Variants in ARFGEF3 observed in about 807,000 individuals in gnomAD.
The protein encoded by ARFGEF3 is ARFGEF family member 3.
ARFGEF3 carries 96 observed loss-of-function variants against 221.7 expected under a neutral mutation model. That is an observed-to-expected ratio of 0.43 (90% confidence interval 0.37 to 0.51). The LOEUF is 0.51. ARFGEF3 is among the 20% of genes least tolerant of loss of function. ARFGEF3 has a pLI of 0.00. For missense variants in ARFGEF3, 2,410 were observed against 2,789.9 expected (o/e 0.86, Z 3.07); for synonymous variants, 1,145 against 1,126.8 (o/e 1.02, Z -0.32).
Position 138,334,960 on chromosome 6 carries a change from G to C in ARFGEF3, c.6114G>C (p.Leu2038=), listed in dbSNP as rs1463399798. Residue 2038 remains leucine (L), a synonymous_variant, in exon 33 of 34, where the codon CTG becomes CTC. Transcript: ENST00000251691. This position sits in a 1 kb window ranked among gnomAD's most constrained non-coding sequence, Gnocchi z 5.1. ...AAAAGAGGAAACAGCAGCACAACCTGTCCGCGTTCCCCAAAGAGGTCAAAG... is the reference window on the plus strand; with the variant it reads ...AAAAGAGGAAACAGCAGCACAACCTCTCCGCGTTCCCCAAAGAGGTCAAAG... ...EYKKRKQQHN[L]SAFPKEVKVE... 1 of 1,586,616 alleles carries C rather than the reference G, an allele frequency of 6.3e-7. No individual in the cohort carries two copies. Among genetic ancestry groups the C allele is most frequent in the Non-Finnish European group, 8.6e-7 (1 of 1,167,060 alleles).
At chr6:138,265,079 A>AT (rs1228851276) in intron 12 of ARFGEF3, among the ~76,000 whole-genome samples, 1 of 151,838 alleles carries the variant, frequency 6.6e-6, no homozygotes, top group Non-Finnish European at 1.5e-5. Flanking sequence ...AATTTTTTGT[A>AT]TTTTTAGTAG....
intron 2 of ARFGEF3, among the ~76,000 whole-genome samples, chr6:138,192,122 C>CCCTTTTCTCT (rs1777315231): frequency 5.9e-5 from 9 of 152,164 alleles, no homozygotes; most frequent in Admixed American, 5.9e-4. Flanking sequence ...CCACCCAAAG[C>CCCTTTTCTCT]CTGCCCTTTT....
chr6:138,189,448 C>T (rs548797933), intron 2 of ARFGEF3, among the ~76,000 whole-genome samples: 1 of 152,256 alleles, frequency 6.6e-6, no homozygotes, highest in East Asian at 1.9e-4. Context: ...AAACTCTAAC[C>T]TGTGACTGCT....
At chr6:138,316,090 G>T (rs1255723276) in intron 26 of ARFGEF3, among the ~76,000 whole-genome samples, 1 of 152,078 alleles carries the variant, frequency 6.6e-6, no homozygotes, top group Non-Finnish European at 1.5e-5. Context: ...AGTTGTAAAC[G>T]GTTGGGTATG....
At chr6:138,279,915 A>C in intron 13 of ARFGEF3, 84 bp from the exon 14 acceptor site, 1 of 1,354,430 alleles carries the variant, frequency 7.4e-7, no homozygotes, top group Non-Finnish European at 1.0e-6. Flanking sequence ...GGGCTCTGTG[A>C]CGTGAAGAGG....
intron 22 of ARFGEF3, among the ~76,000 whole-genome samples, chr6:138,303,848 G>A (rs1350675910): frequency 8.8e-6 from 1 of 113,408 alleles, no homozygotes; most frequent in Non-Finnish European, 1.7e-5. Context: ...GAGACAGAGT[G>A]AGACTCCGTC....
intron 4 of ARFGEF3, among the ~76,000 whole-genome samples, chr6:138,220,301 C>T (rs926467708): frequency 2.6e-5 from 4 of 152,196 alleles, no homozygotes; most frequent in Non-Finnish European, 5.9e-5. Context: ...CTGCAGCCAA[C>T]CTATTTCTTG....
At chr6:138,276,669 G>GT (rs918448109) in intron 12 of ARFGEF3, among the ~76,000 whole-genome samples, 1 of 151,408 alleles carries the variant, frequency 6.6e-6, no homozygotes, top group African/African-American at 2.4e-5. Context: ...TTTGTTTTTC[G>GT]TTTTTTTGTT....
intron 24 of ARFGEF3, 26 bp from the exon 25 acceptor site, chr6:138,311,381 G>C (rs2272889): frequency 2.0e-6 from 3 of 1,494,950 alleles, no homozygotes; most frequent in Non-Finnish European, 2.8e-6. Flanking sequence ...AACACTGTTG[G>C]TCTCTGTCTC....
chr6:138,271,060 G>T (rs181092100), intron 12 of ARFGEF3, among the ~76,000 whole-genome samples: 3 of 152,174 alleles, frequency 2.0e-5, no homozygotes, highest in Non-Finnish European at 4.4e-5. Flanking sequence ...GATGATAGGC[G>T]CCTCAAAGGC....
intron 8 of ARFGEF3, among the ~76,000 whole-genome samples, chr6:138,252,619 C>A (rs192669871): frequency 6.6e-6 from 1 of 152,176 alleles, no homozygotes; most frequent in African/African-American, 2.4e-5. Flanking sequence ...GTTCCTTCCA[C>A]CCCCTTCTCC....
At chr6:138,258,520 T>C (rs1329183529) in intron 10 of ARFGEF3, among the ~76,000 whole-genome samples, 2 of 152,204 alleles carry the variant, frequency 1.3e-5, no homozygotes. Flanking sequence ...TCCTTGTCCT[T>C]CATGGTTGGG....
At chr6:138,241,384 G>A (rs1272008352) in intron 6 of ARFGEF3, among the ~76,000 whole-genome samples, 1 of 152,098 alleles carries the variant, frequency 6.6e-6, no homozygotes, top group African/African-American at 2.4e-5. Context: ...GTAAAATTTA[G>A]ATTTACTGGG....
intron 3 of ARFGEF3, 35 bp downstream of exon 3, chr6:138,207,158 A>C: frequency 1.3e-6 from 2 of 1,547,324 alleles, no homozygotes; most frequent in Non-Finnish European, 1.8e-6. Flanking sequence ...GGATGATAGA[A>C]ATTGACAGGC....
At chr6:138,192,646 T>C (rs938750641) in intron 2 of ARFGEF3, among the ~76,000 whole-genome samples, 1 of 152,212 alleles carries the variant, frequency 6.6e-6, no homozygotes, top group Non-Finnish European at 1.5e-5. Context: ...GTCTGCAGGC[T>C]GAGGTGTCCA....
chr6:138,228,614 A>AC (rs1778135604), intron 4 of ARFGEF3, among the ~76,000 whole-genome samples: 2 of 151,722 alleles, frequency 1.3e-5, no homozygotes, highest in Admixed American at 6.6e-5. Flanking sequence ...AATCTTTTTT[A>AC]CCCCCCTTTA....
intron 2 of ARFGEF3, among the ~76,000 whole-genome samples, chr6:138,194,749 G>C (rs533003162): frequency 6.6e-6 from 1 of 152,270 alleles, no homozygotes; most frequent in East Asian, 1.9e-4. Flanking sequence ...AGATGGTAAG[G>C]ACATTTCTCT....
chr6:138,183,161 A>G (rs1777114633), intron 2 of ARFGEF3, among the ~76,000 whole-genome samples: 2 of 152,110 alleles, frequency 1.3e-5, no homozygotes, highest in South Asian at 4.1e-4. Flanking sequence ...GTGACTGGGA[A>G]GGGCAGAGGG....
chr6:138,256,682 G>C (rs1361270535), intron 10 of ARFGEF3, among the ~76,000 whole-genome samples: 1 of 152,092 alleles, frequency 6.6e-6, no homozygotes, highest in Admixed American at 6.5e-5. Context: ...ATGAGCCCAC[G>C]ATAATAATTA....
Sources: gnomAD v4.1 joint callset for allele counts (sites outside exome capture counted in the v4.1 genomes callset) on GRCh38, gnomAD v4.1.1 for gene constraint, Gnocchi (gnomAD v3.1) non-coding constraint, MANE v1.5 for transcripts, NCBI Gene and HGNC (gene_info 2026-07-23, HGNC 2026-07-21) for gene names.